Variants in DNER observed in about 807,000 individuals in gnomAD.
DNER encodes delta/notch like EGF repeat containing, also known as delta and Notch-like epidermal growth factor-related receptor.
DNER carries 33 observed loss-of-function variants against 78.2 expected under a neutral mutation model. That is an observed-to-expected ratio of 0.42 (90% CI 0.32 to 0.56). DNER has a LOEUF of 0.56. Among genes scored for constraint, DNER ranks in the 20% least tolerant of loss-of-function variants. DNER has a pLI of 0.11. For synonymous variants in DNER, 417 were observed against 384.8 expected, an observed-to-expected ratio of 1.08 and a Z score of -0.98; for missense variants, 918 against 975.3, an observed-to-expected ratio of 0.94 and a Z score of 0.78.
At chr2:229,685,010 G>A (rs1416359683) in intron 1 of DNER, among the ~76,000 whole-genome samples, 1 of 152,168 alleles carries the variant, frequency 6.6e-6, no homozygotes, top group African/African-American at 2.4e-5. Flanking sequence ...TCTCTAAAAT[G>A]CAATCTGGAT....
chr2:229,474,203 G>C (rs1006048019), intron 7 of DNER, among the ~76,000 whole-genome samples: 8 of 152,186 alleles, frequency 5.3e-5, no homozygotes, highest in Non-Finnish European at 1.2e-4. Context: ...ACCACACCTG[G>C]TGACACAGGC....
chr2:229,481,857 G>C (rs898792993), intron 6 of DNER, among the ~76,000 whole-genome samples: 1 of 152,176 alleles, frequency 6.6e-6, no homozygotes, highest in African/African-American at 2.4e-5. Context: ...ATACACGGTG[G>C]CCATTCTGTG....
At chr2:229,506,335 C>G (rs1228197882) in intron 6 of DNER, among the ~76,000 whole-genome samples, 3 of 152,046 alleles carry the variant, frequency 2.0e-5, no homozygotes. Flanking sequence ...ATCACAAGGA[C>G]AACATGGGGG....
chr2:229,444,190 A>C (rs12694814), intron 8 of DNER, among the ~76,000 whole-genome samples: 78,495 of 152,044 alleles, frequency 0.52, 20,898 homozygotes, highest in Middle Eastern at 0.6. Flanking sequence ...GAAAGTGGAA[A>C]TTAAACAGGA....
chr2:229,476,360 G>A (rs545017703), intron 7 of DNER, among the ~76,000 whole-genome samples: 14 of 152,076 alleles, frequency 9.2e-5, no homozygotes, highest in Admixed American at 7.2e-4. Context: ...CCCTCCCCCT[G>A]CCTCTCAGCC....
intron 4 of DNER, among the ~76,000 whole-genome samples, chr2:229,558,290 A>C (rs1399540216): frequency 6.6e-6 from 1 of 152,088 alleles, no homozygotes; most frequent in Non-Finnish European, 1.5e-5. Flanking sequence ...AAGGCTTCAT[A>C]CCTGGGTGAT....
At position 229,596,498 on chromosome 2, in the gene DNER, G is replaced by A. The variant is rs996811876; in HGVS notation, c.277-4610C>T. ...CTTCACAGGTGGCTTTCAACACAGTGAGCCAAGCCACCTTTCTCTGGTCCT... is the reference window on the plus strand; with the variant it reads ...CTTCACAGGTGGCTTTCAACACAGTAAGCCAAGCCACCTTTCTCTGGTCCT... On this transcript the variant is annotated intron_variant, in intron 1 of 12. Transcript: ENST00000341772. Among the ~76,000 whole-genome samples the A allele has an allele frequency of 3.3e-5, 5 of 152,202 alleles. No homozygotes were observed. In the East Asian group the frequency reaches 9.6e-4, roughly 29 times the overall value.
intron 1 of DNER, among the ~76,000 whole-genome samples, chr2:229,626,020 C>T (rs893522390): frequency 5.9e-5 from 9 of 151,890 alleles, no homozygotes; most frequent in African/African-American, 2.2e-4. Context: ...CCCGGGTTCA[C>T]GCCATTCTCC....
At chr2:229,633,768 C>T (rs879372030) in intron 1 of DNER, among the ~76,000 whole-genome samples, 3 of 152,162 alleles carry the variant, frequency 2.0e-5, no homozygotes, top group Non-Finnish European at 2.9e-5. Context: ...CCCTGTTTCC[C>T]GGCACCACTG....
intron 4 of DNER, among the ~76,000 whole-genome samples, chr2:229,553,433 C>G (rs1340805517): frequency 6.6e-6 from 1 of 152,082 alleles, no homozygotes; most frequent in Non-Finnish European, 1.5e-5. Context: ...AGAAGGAAGC[C>G]CTGCGAAGAT....
chr2:229,358,446 G>A lies in DNER; in HGVS notation c.*94C>T, dbSNP rs1037379923. 1.2e-5 allele frequency: 12 copies of A among 994,186 alleles called. No individual in the cohort carries two copies. Among genetic ancestry groups the A allele is most frequent in the Non-Finnish European group, 1.6e-5 (11 of 707,616 alleles). 61.6% of individuals were successfully genotyped at this position (994,186 alleles called of 1,614,324 possible). A position where few individuals can be genotyped will look rare whatever the true frequency, so the allele number is the denominator to read the frequency against. On this transcript the variant is annotated 3_prime_UTR_variant, in exon 13 of 13. Coordinates refer to ENST00000341772, the MANE Select transcript of DNER (RefSeq NM_139072.4). ...ATATTCTACTGAAAACTCTTGAGCA[G>A]CTAGCATTTTAAATTTCTTAAGCTT...
At chr2:229,541,946 C>CTTTATA (rs1285430705) in intron 5 of DNER, among the ~76,000 whole-genome samples, 2 of 145,130 alleles carry the variant, frequency 1.4e-5, no homozygotes, top group African/African-American at 2.5e-5. Context: ...TTTATATATA[C>CTTTATA]TTTATATTTA....
intron 8 of DNER, among the ~76,000 whole-genome samples, chr2:229,427,094 T>A (rs1693895025): frequency 6.6e-6 from 1 of 152,222 alleles, no homozygotes; most frequent in Non-Finnish European, 1.5e-5. Flanking sequence ...AAACATTAAA[T>A]TGAAAGGACT....
At chr2:229,468,966 G>A (rs938138759) in intron 7 of DNER, among the ~76,000 whole-genome samples, 2 of 152,136 alleles carry the variant, frequency 1.3e-5, no homozygotes, top group Admixed American at 1.3e-4. Context: ...CCTGCACCCC[G>A]CAGGCATCAT....
At chr2:229,564,225 C>T (rs1212197008) in intron 4 of DNER, among the ~76,000 whole-genome samples, 2 of 144,984 alleles carry the variant, frequency 1.4e-5, no homozygotes, top group African/African-American at 5.2e-5. Flanking sequence ...TCCTCCTCAC[C>T]TCATCTCCAT....
intron 5 of DNER, among the ~76,000 whole-genome samples, chr2:229,525,226 A>G (rs1696186420): frequency 6.6e-6 from 1 of 152,196 alleles, no homozygotes; most frequent in South Asian, 2.1e-4. Flanking sequence ...TAGTCAACCT[A>G]AAATTCTTTG....
chr2:229,707,193 T>C (rs1363740620), intron 1 of DNER, among the ~76,000 whole-genome samples: 1 of 145,394 alleles, frequency 6.9e-6, no homozygotes, highest in African/African-American at 2.5e-5. Flanking sequence ...TTTTTTTTTT[T>C]TTTTTTTTTT....
chr2:229,379,258 G>A (rs901749407), intron 11 of DNER, among the ~76,000 whole-genome samples: 9 of 152,098 alleles, frequency 5.9e-5, no homozygotes, highest in Non-Finnish European at 1.2e-4. Flanking sequence ...ATAAAAGAAA[G>A]ATCAACCAGT....
chr2:229,432,179 T>C (rs544097149), intron 8 of DNER, among the ~76,000 whole-genome samples: 43 of 152,220 alleles, frequency 2.8e-4, no homozygotes, highest in Non-Finnish European at 4.7e-4. Context: ...AGCATTTTAA[T>C]AAAATAATCC....
Sources: gnomAD v4.1 joint callset for allele counts (sites outside exome capture counted in the v4.1 genomes callset) on GRCh38, gnomAD v4.1.1 for gene constraint, MANE v1.5 for transcripts, NCBI Gene and HGNC (gene_info 2026-07-23, HGNC 2026-07-21) for gene names.